Variants in FRAS1 observed in about 807,000 individuals in gnomAD.
FRAS1 encodes the protein extracellular matrix organizing protein FRAS1.
FRAS1 carries 290 observed loss-of-function variants against 435.2 expected under a neutral mutation model. The observed-to-expected ratio is 0.67, with a 90% confidence interval of 0.61 to 0.73. FRAS1 has a LOEUF of 0.73. Among genes scored for constraint, FRAS1 ranks in the 30% least tolerant of loss-of-function variants. The pLI is 0.00. For missense variants in FRAS1, 4,860 were observed against 5,001.5 expected, an observed-to-expected ratio of 0.97 and a Z score of 0.85; for synonymous variants, 1,800 against 1,851.0, an observed-to-expected ratio of 0.97 and a Z score of 0.71.
intron 2 of FRAS1, among the ~76,000 whole-genome samples, chr4:78,199,083 A>G (rs1722943378): frequency 6.6e-6 from 1 of 152,054 alleles, no homozygotes; most frequent in Non-Finnish European, 1.5e-5. Flanking sequence ...GTGTATTGAA[A>G]CTTTATTGAG....
chr4:78,318,971 A>G lies in FRAS1; in HGVS notation c.2122A>G (p.Thr708Ala). ...TAGAGCCCATTTTTACTTGGAGAGC[A>G]CTGGCATATGTGAAGGTAAGCATGA... Reference protein sequence around the residue: ...QCRAHFYLESTGICEACHQSC... With the variant: ...QCRAHFYLESAGICEACHQSC... Residue 708 changes from threonine (T) to alanine (A), a missense_variant, in exon 18 of 74, where the codon ACT (threonine) becomes GCT (alanine). Physicochemically the swap from Thr to Ala is moderately conservative, Grantham distance 58. Transcript: ENST00000512123. The G allele has an allele frequency of 6.2e-7, 1 of 1,613,736 alleles. No homozygotes were observed.
At chr4:78,152,881 G>A (rs568754919) in intron 2 of FRAS1, among the ~76,000 whole-genome samples, 29 of 152,046 alleles carry the variant, frequency 1.9e-4, no homozygotes, top group African/African-American at 7.0e-4. Context: ...CTGGAAAATC[G>A]GTCTCATTAC....
intron 29 of FRAS1, among the ~76,000 whole-genome samples, chr4:78,391,392 T>G (rs1350267702): frequency 1.3e-5 from 2 of 152,208 alleles, no homozygotes. Flanking sequence ...TAATAAAGAA[T>G]GCGTTGCTGA....
rs372833358 is a variant in FRAS1, at chr4:78,416,054, A to G, written c.4426-2895A>G. 9.9e-5 allele frequency among the ~76,000 whole-genome samples: 15 copies of G among 152,238 alleles called. No homozygotes were observed. In the East Asian group the frequency reaches 1.3e-3, roughly 14 times the overall value. ...AATGTCTATCAGCAGAGAAATGGAT[A>G]AAGAAAATGTGATACAGACGTACAC... On this transcript the variant is annotated intron_variant, in intron 32 of 73. Coordinates refer to ENST00000512123, the MANE Select transcript of FRAS1 (RefSeq NM_025074.7).
chr4:78,274,076 C>G (rs1457134972), intron 9 of FRAS1, among the ~76,000 whole-genome samples: 1 of 151,944 alleles, frequency 6.6e-6, no homozygotes, highest in Non-Finnish European at 1.5e-5. Flanking sequence ...TATCCATTTC[C>G]TTTAGATTTT....
chr4:78,347,780 T>C (rs932003904), intron 20 of FRAS1, among the ~76,000 whole-genome samples: 3 of 93,706 alleles, frequency 3.2e-5, no homozygotes, highest in Non-Finnish European at 4.1e-5. Context: ...TGTGCGTGTG[T>C]GTGTGTGTTT....
chr4:78,451,782 A>G lies in FRAS1; in HGVS notation c.6474A>G (p.Glu2158=), dbSNP rs769075468. Residue 2158 remains glutamate, a synonymous_variant, in exon 46 of 74, where the codon GAA becomes GAG. Transcript: ENST00000512123. The part of the protein sequence containing the change: ...TQADISQGHV[E]YSHGTGEPGG... ...TTTTCCTTTTTATAGGCCACGTAGA[A>G]TATAGTCATGGAACAGGAGAACCTG... 6.2e-7 allele frequency: 1 copy of G among 1,608,666 alleles called. No homozygotes were observed. Among genetic ancestry groups the G allele is most frequent in the South Asian group, 1.1e-5 (1 of 90,076 alleles).
chr4:78,522,433 G>C (rs926581469), intron 68 of FRAS1, among the ~76,000 whole-genome samples: 1 of 152,102 alleles, frequency 6.6e-6, no homozygotes, highest in Non-Finnish European at 1.5e-5. Context: ...AAATACCTAT[G>C]ACTATGATGA....
At chr4:78,338,760 G>T (rs1326809092) in intron 20 of FRAS1, among the ~76,000 whole-genome samples, 1 of 152,212 alleles carries the variant, frequency 6.6e-6, no homozygotes, top group Non-Finnish European at 1.5e-5. Context: ...TTCAGTCTGG[G>T]ATGGCGCTGA....
intron 2 of FRAS1, among the ~76,000 whole-genome samples, chr4:78,134,323 C>T (rs529425652): frequency 3.8e-4 from 58 of 152,122 alleles, no homozygotes; most frequent in African/African-American, 1.3e-3. Context: ...AGATTTTGGC[C>T]GTAGAGGTTT....
intron 2 of FRAS1, among the ~76,000 whole-genome samples, chr4:78,152,149 A>G (rs939225212): frequency 2.0e-5 from 3 of 152,182 alleles, no homozygotes; most frequent in Non-Finnish European, 4.4e-5. Context: ...GCTGTATTTT[A>G]GGAAAATAAA....
intron 2 of FRAS1, among the ~76,000 whole-genome samples, chr4:78,177,086 A>C (rs994358067): frequency 1.6e-5 from 2 of 123,274 alleles, no homozygotes; most frequent in African/African-American, 5.6e-5. Flanking sequence ...GAGTGATGTG[A>C]GTTTTTTTTT....
chr4:78,224,589 G>A (rs1724191858), intron 2 of FRAS1, among the ~76,000 whole-genome samples: 1 of 152,112 alleles, frequency 6.6e-6, no homozygotes, highest in South Asian at 2.1e-4. Context: ...TTGGAGTGCA[G>A]TACTGTGATC....
At chr4:78,147,789 T>G (rs1251656533) in intron 2 of FRAS1, among the ~76,000 whole-genome samples, 1 of 152,210 alleles carries the variant, frequency 6.6e-6, no homozygotes, top group Non-Finnish European at 1.5e-5. Flanking sequence ...AACATTATTA[T>G]GAAGATGTTA....
intron 3 of FRAS1, among the ~76,000 whole-genome samples, chr4:78,243,470 C>T (rs1725096970): frequency 6.6e-6 from 1 of 152,122 alleles, no homozygotes; most frequent in Admixed American, 6.6e-5. Flanking sequence ...ATGCAGCCCA[C>T]AGCTCACCAA....
At chr4:78,496,294 G>T (rs149052942) in intron 59 of FRAS1, among the ~76,000 whole-genome samples, 2 of 152,128 alleles carry the variant, frequency 1.3e-5, no homozygotes, top group African/African-American at 4.8e-5. Context: ...CAGCAGATTC[G>T]AAAATTCTTT....
chr4:78,517,965 A>AT (rs1721260707), intron 66 of FRAS1, among the ~76,000 whole-genome samples: 1 of 152,074 alleles, frequency 6.6e-6, no homozygotes, highest in African/African-American at 2.4e-5. Context: ...AAGAACAAAA[A>AT]GAGGGGCTGG....
chr4:78,520,306 C>G (rs1388038934), intron 67 of FRAS1, among the ~76,000 whole-genome samples: 1 of 151,270 alleles, frequency 6.6e-6, no homozygotes, highest in Non-Finnish European at 1.5e-5. Context: ...CACACTACCC[C>G]TAACCTATTT....
intron 67 of FRAS1, among the ~76,000 whole-genome samples, chr4:78,520,038 C>T (rs1193358087): frequency 3.9e-5 from 6 of 152,098 alleles, no homozygotes; most frequent in Admixed American, 3.9e-4. Context: ...CAGGCTCATC[C>T]CCATTACTGT....
Sources: gnomAD v4.1 joint callset for allele counts (sites outside exome capture counted in the v4.1 genomes callset) on GRCh38, gnomAD v4.1.1 for gene constraint, MANE v1.5 for transcripts, NCBI Gene and HGNC (gene_info 2026-07-23, HGNC 2026-07-21) for gene names.